Variants in OSBPL11 observed in about 807,000 individuals in gnomAD.
OSBPL11 encodes the protein oxysterol-binding protein-related protein 11.
A neutral mutation model predicts 84.4 loss-of-function variants in OSBPL11; 33 were observed. The ratio of observed to expected loss-of-function variants is 0.39; its 90% CI spans 0.30 to 0.52. The LOEUF (loss-of-function observed/expected upper bound fraction) is 0.52. Ranked by LOEUF, OSBPL11 falls within the 20% of genes least tolerant of loss-of-function variation. OSBPL11 has a pLI of 0.72. For missense variants in OSBPL11, 736 were observed against 901.1 expected (o/e 0.82, Z 2.35); for synonymous variants, 276 against 310.2 (o/e 0.89, Z 1.16).
At chr3:125,553,120 C>T (rs1429144937) in intron 8 of OSBPL11, among the ~76,000 whole-genome samples, 1 of 152,030 alleles carries the variant, frequency 6.6e-6, no homozygotes, top group Non-Finnish European at 1.5e-5. Context: ...TTAACAACAA[C>T]AACAAAAAAG....
At chr3:125,557,586 C>T (rs1320012897) in intron 8 of OSBPL11, among the ~76,000 whole-genome samples, 7 of 151,142 alleles carry the variant, frequency 4.6e-5, no homozygotes, top group Admixed American at 3.3e-4. Flanking sequence ...CCATGTTGGC[C>T]AGGCTGGTCT....
At chr3:125,581,184 C>T (rs751664882) in intron 2 of OSBPL11, among the ~76,000 whole-genome samples, 2 of 151,880 alleles carry the variant, frequency 1.3e-5, no homozygotes, top group African/African-American at 2.4e-5. Flanking sequence ...CCTCTGCCTC[C>T]CAGGTTCAAG....
chr3:125,569,933 C>A (rs1936218765), intron 5 of OSBPL11, among the ~76,000 whole-genome samples: 1 of 152,058 alleles, frequency 6.6e-6, no homozygotes, highest in African/African-American at 2.4e-5. Flanking sequence ...AGAAGTGGCC[C>A]TAGGGTGCTC....
intron 7 of OSBPL11, among the ~76,000 whole-genome samples, chr3:125,562,267 T>C (rs781745435): frequency 6.6e-6 from 1 of 152,212 alleles, no homozygotes; most frequent in Non-Finnish European, 1.5e-5. Context: ...CCAAGCAGAT[T>C]ATAAGTCTCT....
chr3:125,593,235 T>C (rs1936627365), intron 1 of OSBPL11, among the ~76,000 whole-genome samples: 4 of 151,978 alleles, frequency 2.6e-5, no homozygotes. Flanking sequence ...GTCACACACA[T>C]ACAAAAAAAT....
At chr3:125,575,686 C>T (rs1361977319) in intron 5 of OSBPL11, among the ~76,000 whole-genome samples, 2 of 148,010 alleles carry the variant, frequency 1.4e-5, no homozygotes, top group African/African-American at 5.0e-5. Context: ...CACACCACCA[C>T]CCCCAGCTAA....
Position 125,568,471 on chromosome 3 carries a change from C to A in OSBPL11, c.667-876G>T, listed in dbSNP as rs571666916. Among the ~76,000 whole-genome samples, 155 of 151,300 alleles carry A rather than the reference C, an allele frequency of 1.0e-3. 1 individual carries two copies. Among genetic ancestry groups the A allele is most frequent in the Non-Finnish European group, 1.8e-3 (123 of 67,870 alleles). ...AGGGAATATTAAGCCATCAAGTTAT[C>A]AGAAAGATTCTAGAAGATCCTTAAC... On this transcript the variant is annotated intron_variant, in intron 5 of 12. Transcript: ENST00000296220.
Position 125,594,782 on chromosome 3 carries a change from C to G in OSBPL11, c.19G>C (p.Val7Leu). ...CTCTCCGAGACTTTCATTGTGGACACTGGTTCACCCCCCTGCATCTTAACG... is the reference window on the plus strand; with the variant it reads ...CTCTCCGAGACTTTCATTGTGGACAGTGGTTCACCCCCCTGCATCTTAACG... MQGGEP[V>L]STMKVSESEG... The change falls in exon 1 of 13, where the codon GTG becomes CTG. Residue 7 changes from valine to leucine, a missense_variant. Around this residue, in one of 3 missense-constraint regions of OSBPL11, gnomAD observed 114 missense variants for 104.9 expected, o/e 1.09. Coordinates refer to ENST00000296220, the MANE Select transcript of OSBPL11 (RefSeq NM_022776.5). 1 of 1,614,138 alleles carries G rather than the reference C, an allele frequency of 6.2e-7. No homozygotes were observed. The highest frequency in any genetic ancestry group is 8.5e-7 in the Non-Finnish European group (1 of 1,179,972).
At chr3:125,550,977 T>G (rs1249918362) in intron 9 of OSBPL11, among the ~76,000 whole-genome samples, 27 of 151,782 alleles carry the variant, frequency 1.8e-4, no homozygotes, top group Admixed American at 1.8e-3. Context: ...CTGGGCAACA[T>G]ATTGAGACCC....
In OSBPL11 at chr3:125,557,390, T is replaced by C. The variant is rs568269082; in HGVS notation, c.1155+2989A>G. On this transcript the variant is annotated intron_variant, in intron 8 of 12. Transcript: ENST00000296220. Reference sequence around the variant, plus strand: ...GGCTCTTTATTTTTATTTATTTGTTTATTTTTTTTGAGACAGAATCTAGCT... The same window carrying C: ...GGCTCTTTATTTTTATTTATTTGTTCATTTTTTTTGAGACAGAATCTAGCT... Among the ~76,000 whole-genome samples, 9 of 152,104 alleles carry C rather than the reference T, an allele frequency of 5.9e-5. No individual in the cohort carries two copies. The East Asian group carries it at 1.7e-3, about 29-fold the overall frequency.
intron 5 of OSBPL11, among the ~76,000 whole-genome samples, chr3:125,575,913 C>T (rs192013383): frequency 6.6e-6 from 1 of 150,976 alleles, no homozygotes; most frequent in African/African-American, 2.4e-5. Flanking sequence ...CCCTTTTGAT[C>T]ATAAAATTTA....
chr3:125,550,423 AAAAG>A (rs1228707062), intron 9 of OSBPL11, among the ~76,000 whole-genome samples: 2 of 137,934 alleles, frequency 1.4e-5, no homozygotes, highest in Middle Eastern at 3.4e-3. Flanking sequence ...CAAAAAAAAA[AAAAG>A]AGAGTACTTT....
intron 5 of OSBPL11, among the ~76,000 whole-genome samples, chr3:125,568,208 G>C (rs1287403638): frequency 6.6e-6 from 1 of 151,924 alleles, no homozygotes; most frequent in East Asian, 1.9e-4. Context: ...GAGGCAGGCA[G>C]ATCACGAGGT....
At chr3:125,537,097 T>C (rs560459928) in intron 11 of OSBPL11, among the ~76,000 whole-genome samples, 3 of 149,706 alleles carry the variant, frequency 2.0e-5, no homozygotes, top group Admixed American at 6.8e-5. Context: ...GAGGTGGAAG[T>C]TGCAGGGAGC....
chr3:125,551,283 A>C (rs1048918735), intron 9 of OSBPL11, among the ~76,000 whole-genome samples: 1 of 151,404 alleles, frequency 6.6e-6, no homozygotes, highest in African/African-American at 2.4e-5. Context: ...GATAAAATGA[A>C]TATATTTAAT....
chr3:125,567,628 A>G lies in OSBPL11; in HGVS notation c.667-33T>C, dbSNP rs377267109. On this transcript the variant is annotated intron_variant, in intron 5 of 12. Transcript: ENST00000296220. ...AAAAACAGTTCTGTGGGTCCTACTC[A>G]TGATTTCTGTAAAACATGTATACAT... The G allele has an allele frequency of 5.1e-6, 8 of 1,554,490 alleles. No individual in the cohort carries two copies. The African/African-American group carries it at 8.2e-5, about 16-fold the overall frequency.
At chr3:125,537,518 C>A (rs550125492) in intron 11 of OSBPL11, among the ~76,000 whole-genome samples, 43 of 152,208 alleles carry the variant, frequency 2.8e-4, no homozygotes, top group Non-Finnish European at 5.0e-4. Context: ...AGGATAAATC[C>A]CTGTAAGAAT....
intron 1 of OSBPL11, among the ~76,000 whole-genome samples, chr3:125,586,558 G>C (rs761282074): frequency 2.0e-5 from 3 of 151,200 alleles, no homozygotes; most frequent in Non-Finnish European, 4.4e-5. Context: ...TGTCACCCAG[G>C]CTGGAGAGCA....
intron 8 of OSBPL11, among the ~76,000 whole-genome samples, chr3:125,557,791 C>CTT (rs11295103): frequency 0.019 from 1,532 of 81,850 alleles, 26 homozygotes; most frequent in African/African-American, 0.033. Context: ...ATACAACTTT[C>CTT]TTTTTTTTTT....
Sources: gnomAD v4.1 joint callset for allele counts (sites outside exome capture counted in the v4.1 genomes callset) on GRCh38, gnomAD v4.1.1 for gene constraint, gnomAD v4.1.1 regional missense constraint, MANE v1.5 for transcripts, NCBI Gene and HGNC (gene_info 2026-07-23, HGNC 2026-07-21) for gene names.